RHOBTB1: variants seen among roughly 807,000 people sequenced by gnomAD.
The protein encoded by RHOBTB1 is rho-related BTB domain-containing protein 1.
In RHOBTB1, 40 loss-of-function variants were observed where a neutral mutation model predicts 71.6. The ratio of observed to expected loss-of-function variants is 0.56; its 90% CI spans 0.43 to 0.73. The LOEUF is 0.73. Ranked by LOEUF, RHOBTB1 falls within the 30% of genes least tolerant of loss-of-function variation. The pLI, the probability that RHOBTB1 is intolerant of heterozygous loss-of-function variation, is 0.00. For synonymous variants in RHOBTB1, 319 were observed against 334.9 expected (o/e 0.95, Z 0.52); for missense variants, 797 against 894.0 (o/e 0.89, Z 1.38).
the RHOBTB1 span, among the ~76,000 whole-genome samples, chr10:60,864,036 G>A: frequency 6.6e-6 from 1 of 152,038 alleles, no homozygotes; most frequent in African/African-American, 2.4e-5. Context: ...TCGACCACTC[G>A]TGCAGGAATA....
chr10:60,958,145 A>C (rs934090137), intron 2 of RHOBTB1, among the ~76,000 whole-genome samples: 1 of 152,180 alleles, frequency 6.6e-6, no homozygotes, highest in South Asian at 2.1e-4. Flanking sequence ...AAAGTCAAGC[A>C]CCTCTAAAGG....
At chr10:60,963,237 G>T (rs768921533) in intron 2 of RHOBTB1, among the ~76,000 whole-genome samples, 8 of 152,054 alleles carry the variant, frequency 5.3e-5, no homozygotes, top group Non-Finnish European at 7.4e-5. Flanking sequence ...GACCCAAATG[G>T]CTCAGCAAGT....
intron 2 of RHOBTB1, among the ~76,000 whole-genome samples, chr10:60,939,527 C>T (rs2084786647): frequency 6.6e-6 from 1 of 152,160 alleles, no homozygotes; most frequent in Admixed American, 6.5e-5. Context: ...TCGCCCATCT[C>T]CTACCCTTGT....
upstream of RHOBTB1, among the ~76,000 whole-genome samples, chr10:60,949,174 C>T (rs931278657): frequency 2.0e-5 from 3 of 152,226 alleles, no homozygotes; most frequent in African/African-American, 7.2e-5. Context: ...CGTTCAGTCA[C>T]TCAAGTATTC....
intron 7 of RHOBTB1, among the ~76,000 whole-genome samples, chr10:60,884,813 G>T (rs113280455): frequency 0.016 from 2,432 of 152,296 alleles, 56 homozygotes; most frequent in African/African-American, 0.056. Context: ...GTAGAAGAGT[G>T]ATTACCAGAG....
chr10:60,888,378 C>G lies in RHOBTB1; in HGVS notation c.1290G>C (p.Leu430Phe). ...TGQLDEKEKDLVGLAQIAEVL... is the reference protein window; with the variant it reads ...TGQLDEKEKDFVGLAQIAEVL... Reference sequence around the variant, plus strand: ...CCTCTGCGATCTGAGCCAGGCCCACCAAATCCTTTTCCTTTTCATCCAGTT... The same window carrying G: ...CCTCTGCGATCTGAGCCAGGCCCACGAAATCCTTTTCCTTTTCATCCAGTT... The change falls in exon 6 of 11, where the codon TTG becomes TTC. Residue 430 changes from leucine to phenylalanine, a missense_variant. By Grantham distance (22) the Leu-to-Phe change is conservative (BLOSUM62 0). Coordinates refer to ENST00000337910, the MANE Select transcript of RHOBTB1 (RefSeq NM_014836.5). 6.2e-7 allele frequency: 1 copy of G among 1,614,142 alleles called. No individual in the cohort carries two copies. Among genetic ancestry groups the G allele is most frequent in the Non-Finnish European group, 8.5e-7 (1 of 1,180,020 alleles).
chr10:60,950,099 C>G (rs2085361525), intron 2 of RHOBTB1, among the ~76,000 whole-genome samples: 1 of 152,148 alleles, frequency 6.6e-6, no homozygotes, highest in South Asian at 2.1e-4. Flanking sequence ...TTCCACTGGT[C>G]TAGCTCAACA....
At chr10:60,961,904 T>G (rs566500952) in intron 2 of RHOBTB1, among the ~76,000 whole-genome samples, 1 of 151,808 alleles carries the variant, frequency 6.6e-6, no homozygotes, top group African/African-American at 2.4e-5. Context: ...CGCTCCTGGG[T>G]TCAAATGATT....
intron 4 of RHOBTB1, among the ~76,000 whole-genome samples, chr10:60,897,197 G>C (rs1360578793): frequency 1.3e-5 from 2 of 152,154 alleles, no homozygotes; most frequent in African/African-American, 4.8e-5. Context: ...CTCAGAGACT[G>C]TCTTTATAAT....
intron 2 of RHOBTB1, among the ~76,000 whole-genome samples, chr10:60,913,137 TAAG>T (rs1388372310): frequency 2.6e-5 from 4 of 152,324 alleles, no homozygotes; most frequent in East Asian, 1.9e-4. Context: ...GAAAGAATAT[TAAG>T]AAGAATTCTT....
chr10:60,886,725 G>C (rs1225114134), intron 6 of RHOBTB1, among the ~76,000 whole-genome samples: 2 of 140,412 alleles, frequency 1.4e-5, no homozygotes, highest in Admixed American at 7.1e-5. Flanking sequence ...TGTGGGGGGG[G>C]GTGGGTCTGG....
At chr10:60,923,248 T>C (rs1347051327) in intron 2 of RHOBTB1, among the ~76,000 whole-genome samples, 2 of 152,208 alleles carry the variant, frequency 1.3e-5, no homozygotes, top group Admixed American at 6.6e-5. Flanking sequence ...AAAACAGGTG[T>C]TCCACTTAGA....
intron 3 of RHOBTB1, 68 bp downstream of exon 3, chr10:60,911,283 G>GA (rs1277826175): frequency 7.6e-6 from 11 of 1,445,042 alleles, no homozygotes; most frequent in East Asian, 2.3e-5. Flanking sequence ...TCCTCCTTTA[G>GA]AAAAAATCAG....
At chr10:60,917,987 TAC>T (rs558762737) in intron 2 of RHOBTB1, among the ~76,000 whole-genome samples, 130 of 152,324 alleles carry the variant, frequency 8.5e-4, no homozygotes, top group African/African-American at 3.0e-3. Flanking sequence ...CACGCATCCA[TAC>T]ACACATTTTT....
At chr10:60,911,850 C>T (rs1474661139) in intron 2 of RHOBTB1, among the ~76,000 whole-genome samples, 1 of 152,178 alleles carries the variant, frequency 6.6e-6, no homozygotes, top group African/African-American at 2.4e-5. Context: ...GAGCTCCATT[C>T]AGCCACTGTC....
At chr10:60,920,171 T>C (rs866069085) in intron 2 of RHOBTB1, among the ~76,000 whole-genome samples, 2 of 152,130 alleles carry the variant, frequency 1.3e-5, no homozygotes, top group African/African-American at 4.8e-5. Context: ...CAGTCTTAAT[T>C]TAAAAATTAC....
upstream of RHOBTB1, among the ~76,000 whole-genome samples, chr10:60,945,889 T>G (rs2085206525): frequency 6.6e-6 from 1 of 152,166 alleles, no homozygotes; most frequent in Non-Finnish European, 1.5e-5. Flanking sequence ...GGCATAAAAC[T>G]GACTTCCCGG....
At chr10:60,941,728 GT>G (rs1404570508) in intron 2 of RHOBTB1, 75 bp downstream of exon 2, 2 of 152,434 alleles carry the variant, frequency 1.3e-5, no homozygotes, top group Non-Finnish European at 2.9e-5. Context: ...TAAGAAACCT[GT>G]TCTGAAATGC....
At chr10:60,893,019 C>A (rs748345620) in intron 4 of RHOBTB1, 24 bp from the exon 5 acceptor site, 5 of 1,579,736 alleles carry the variant, frequency 3.2e-6, no homozygotes, top group Non-Finnish European at 4.3e-6. Flanking sequence ...ATAAAAGAAG[C>A]TTGTATTGCC....
Sources: allele counts gnomAD v4.1 joint callset (sites outside exome capture counted in the v4.1 genomes callset), GRCh38; gene constraint gnomAD v4.1.1; transcripts MANE v1.5; gene names NCBI Gene and HGNC (gene_info 2026-07-23, HGNC 2026-07-21).